Variants in KCNT2 observed in about 807,000 individuals in gnomAD.
KCNT2 encodes the protein potassium channel subfamily T member 2.
Under a neutral mutation model 153.8 loss-of-function variants are expected in KCNT2, and 67 were observed. The observed-to-expected ratio is 0.44, with a 90% CI of 0.36 to 0.53. KCNT2 has a LOEUF of 0.53. Among genes scored for constraint, KCNT2 ranks in the 20% least tolerant of loss-of-function variants. The pLI, the probability that KCNT2 is intolerant of heterozygous loss-of-function variation, is 0.00. For missense variants in KCNT2, 975 were observed against 1,354.8 expected, an observed-to-expected ratio of 0.72 and a Z score of 4.40; for synonymous variants, 500 against 458.8, an observed-to-expected ratio of 1.09 and a Z score of -1.15.
chr1:196,382,949 G>A (rs939040440), intron 13 of KCNT2, among the ~76,000 whole-genome samples: 5 of 151,970 alleles, frequency 3.3e-5, no homozygotes, highest in African/African-American at 1.2e-4. Flanking sequence ...AAGGATCAGC[G>A]TACATGGAAT....
At chr1:196,359,483 A>C (rs1372901799) in intron 14 of KCNT2, among the ~76,000 whole-genome samples, 1 of 152,008 alleles carries the variant, frequency 6.6e-6, no homozygotes, top group African/African-American at 2.4e-5. Context: ...CATAGACCCA[A>C]AGAATAAATC....
intron 1 of KCNT2, among the ~76,000 whole-genome samples, chr1:196,586,957 A>C (rs1558109100): frequency 6.6e-6 from 1 of 152,098 alleles, no homozygotes; most frequent in Non-Finnish European, 1.5e-5. Context: ...TCTAAAACTC[A>C]ATTAGCATAA....
chr1:196,274,789 G>T (rs539948912), intron 25 of KCNT2, among the ~76,000 whole-genome samples: 1 of 151,764 alleles, frequency 6.6e-6, no homozygotes, highest in South Asian at 2.1e-4. Context: ...TGTTTTTCTG[G>T]TTCCTAGTAA....
chr1:196,341,974 T>G (rs1463833968), intron 15 of KCNT2, 105 bp downstream of exon 15: 6 of 1,159,370 alleles, frequency 5.2e-6, no homozygotes, highest in Non-Finnish European at 7.1e-6. Flanking sequence ...AATTCCGGAA[T>G]GCCTAAACAC....
chr1:196,254,237 T>C (rs534825112), intron 26 of KCNT2, among the ~76,000 whole-genome samples: 20 of 151,602 alleles, frequency 1.3e-4, no homozygotes, highest in African/African-American at 4.6e-4. Flanking sequence ...TCAAACCCCA[T>C]GTATTCATTC....
chr1:196,586,829 T>G (rs1479966728), intron 1 of KCNT2, among the ~76,000 whole-genome samples: 2 of 152,128 alleles, frequency 1.3e-5, no homozygotes, highest in East Asian at 3.8e-4. Context: ...CTTATTTTAT[T>G]GATAAAATGT....
chr1:196,468,722 A>C (rs1677824836), intron 6 of KCNT2, among the ~76,000 whole-genome samples: 1 of 152,108 alleles, frequency 6.6e-6, no homozygotes, highest in Non-Finnish European at 1.5e-5. Context: ...AATTTCTAGT[A>C]ATTTTAAACA....
intron 22 of KCNT2, among the ~76,000 whole-genome samples, chr1:196,287,975 A>AC (rs1659826791): frequency 6.6e-6 from 1 of 152,080 alleles, no homozygotes; most frequent in Non-Finnish European, 1.5e-5. Context: ...TAGGAAGGGC[A>AC]CCTAGCTTAT....
chr1:196,325,910 T>C (rs1177061978), intron 19 of KCNT2, among the ~76,000 whole-genome samples: 5 of 152,126 alleles, frequency 3.3e-5, no homozygotes, highest in African/African-American at 9.7e-5. Context: ...AAAACTTTGA[T>C]AATTTTGAAA....
intron 19 of KCNT2, among the ~76,000 whole-genome samples, 182 bp downstream of exon 19, chr1:196,326,535 A>G (rs1663876180): frequency 6.6e-6 from 1 of 152,134 alleles, no homozygotes; most frequent in Non-Finnish European, 1.5e-5. Context: ...GTATTTATGA[A>G]TATAATCATA....
chr1:196,271,459 C>T (rs746408865), intron 25 of KCNT2, among the ~76,000 whole-genome samples: 4 of 151,926 alleles, frequency 2.6e-5, no homozygotes, highest in Non-Finnish European at 4.4e-5. Flanking sequence ...GCCATGACTA[C>T]GTAGTTAAAT....
At chr1:196,379,565 TTCTCTCTC>T (rs67709356) in intron 13 of KCNT2, among the ~76,000 whole-genome samples, 38,860 of 136,080 alleles carry the variant, frequency 0.29, 5,180 homozygotes, top group Admixed American at 0.33. Flanking sequence ...CAGTGAGACT[TTCTCTCTC>T]TCTCTCTCTC....
intron 23 of KCNT2, among the ~76,000 whole-genome samples, chr1:196,284,248 AATATATATAT>A (rs1553271463): frequency 5.0e-4 from 5 of 10,048 alleles, no homozygotes; most frequent in South Asian, 6.3e-3. Flanking sequence ...AAAAAAAAAA[AATATATATAT>A]ATATATATAT....
At chr1:196,435,339 A>G (rs1457331555) in intron 8 of KCNT2, among the ~76,000 whole-genome samples, 4 of 150,394 alleles carry the variant, frequency 2.7e-5, no homozygotes, top group African/African-American at 9.7e-5. Flanking sequence ...TTTCCTAGTA[A>G]CTAGTATTTA....
chr1:196,349,326 A>G (rs1666416590), intron 14 of KCNT2, among the ~76,000 whole-genome samples: 1 of 152,108 alleles, frequency 6.6e-6, no homozygotes, highest in African/African-American at 2.4e-5. Flanking sequence ...CATTTCTTTA[A>G]AATCACATTG....
rs1006886334 is a variant in KCNT2 at position 196,226,647 on chromosome 1, A to G, written c.*1577T>C. 1.3e-5 allele frequency: 2 copies of G among 152,050 alleles called. No homozygotes were observed. Among genetic ancestry groups the G allele is most frequent in the African/African-American group, 2.4e-5 (1 of 41,468 alleles). The allele number at this position is 152,050 out of a possible 1,614,324, so 9.4% of individuals were successfully genotyped here. ...CTCCAAGCCAAATTATACAATGACT[A>G]TAATCTTTGATTTCACATTGCACTT... On this transcript the variant is annotated 3_prime_UTR_variant, in exon 28 of 28. Transcript: ENST00000294725.
At chr1:196,350,907 CAGCTTTCTACAT>C (rs1251285254) in intron 14 of KCNT2, among the ~76,000 whole-genome samples, 1 of 152,118 alleles carries the variant, frequency 6.6e-6, no homozygotes, top group African/African-American at 2.4e-5. Flanking sequence ...GATCCAGTTT[CAGCTTTCTACAT>C]ATGGCTAGCC....
chr1:196,381,422 AAATAATAATACTAAAT>A (rs1420500449), intron 13 of KCNT2, among the ~76,000 whole-genome samples: 1 of 151,960 alleles, frequency 6.6e-6, no homozygotes, highest in African/African-American at 2.4e-5. Flanking sequence ...TTTAGTAATA[AAATAATAATACTAAAT>A]AATATTTCTG....
Position 196,556,563 on chromosome 1 carries a change from A to T in KCNT2, c.95+51652T>A, listed in dbSNP as rs569025100. ...TAAATTAGCTCAACCAGTATAGAAAACAGTTTGGTAGTTCATCAGAAAACT... is the reference window on the plus strand; with the variant it reads ...TAAATTAGCTCAACCAGTATAGAAATCAGTTTGGTAGTTCATCAGAAAACT... On this transcript the variant is annotated intron_variant, in intron 1 of 27. Coordinates refer to ENST00000294725, the MANE Select transcript of KCNT2 (RefSeq NM_198503.5). Among the ~76,000 whole-genome samples, 6 of 151,484 alleles carry T rather than the reference A, an allele frequency of 4.0e-5. No homozygotes were observed. In the East Asian group the frequency reaches 1.2e-3, roughly 30 times the overall value.
Sources: gnomAD v4.1 joint callset for allele counts (sites outside exome capture counted in the v4.1 genomes callset) on GRCh38, gnomAD v4.1.1 for gene constraint, MANE v1.5 for transcripts, NCBI Gene and HGNC (gene_info 2026-07-23, HGNC 2026-07-21) for gene names.